Variants in TMEM237 observed in about 807,000 individuals in gnomAD.
TMEM237 encodes amyotrophic lateral sclerosis 2 (juvenile) chromosome region, candidate 4.
A neutral mutation model predicts 59.1 loss-of-function variants in TMEM237; 51 were observed. The ratio of observed to expected loss-of-function variants is 0.86; its 90% CI spans 0.69 to 1.09. TMEM237 has a LOEUF of 1.09. TMEM237 is among the 50% of genes least tolerant of loss of function. The pLI is 0.00. For synonymous variants in TMEM237, 140 were observed against 166.1 expected (o/e 0.84, Z 1.21); for missense variants, 475 against 478.3 (o/e 0.99, Z 0.06).
chr2:201,640,272 C>T lies in TMEM237; in HGVS notation c.75-7G>A, dbSNP rs1443411958. 1.4e-5 allele frequency: 21 copies of T among 1,549,658 alleles called. No homozygotes were observed. Among genetic ancestry groups the T allele is most frequent in the South Asian group, 2.5e-5 (2 of 80,538 alleles). On this transcript the variant is annotated splice_polypyrimidine_tract_variant and splice_region_variant and intron_variant, in intron 2 of 12. Coordinates refer to ENST00000409883, the MANE Select transcript of TMEM237 (RefSeq NM_001044385.3). ...TTAAACTAACTCACCTTGACTAACACGTCATATAACACCAAACAAATTTAA... is the reference window on the plus strand; with the variant it reads ...TTAAACTAACTCACCTTGACTAACATGTCATATAACACCAAACAAATTTAA...
At position 201,627,323 on chromosome 2, in the gene TMEM237, G is replaced by C. The variant is rs752399438; in HGVS notation, c.1035C>G (p.Leu345=). 1 of 1,601,938 alleles carries C rather than the reference G, an allele frequency of 6.2e-7. No individual in the cohort carries two copies. The highest frequency in any genetic ancestry group is 8.5e-7 in the Non-Finnish European group (1 of 1,172,874). ...LYTPSSVNGS[L]WEAGIEEQIL... ...CTAATGTCATTGTGAATTCTTACCA[G>C]AGGCTACCATTAACAGAAGAAGGTG... Residue 345 remains leucine (L), a splice_region_variant and synonymous_variant, in exon 11 of 13, where the codon CTC becomes CTG. Coordinates refer to ENST00000409883, the MANE Select transcript of TMEM237 (RefSeq NM_001044385.3).
chr2:201,628,385 T>A (rs1957778251), intron 9 of TMEM237, among the ~76,000 whole-genome samples: 1 of 152,184 alleles, frequency 6.6e-6, no homozygotes, highest in Admixed American at 6.5e-5. Flanking sequence ...TAAAACATCC[T>A]AAAGAAAATT....
Position 201,623,254 on chromosome 2 carries a change from C to T in TMEM237, c.*1001G>A. On this transcript the variant is annotated 3_prime_UTR_variant, in exon 13 of 13. Coordinates refer to ENST00000409883, the MANE Select transcript of TMEM237 (RefSeq NM_001044385.3). ...TTGATGTGCTCAACAGCCTTTGAAA[C>T]ATTTTTTCCCATAGCTAGTCTTCTC... 2.3e-6 allele frequency: 1 copy of T among 429,300 alleles called. No individual in the cohort carries two copies. Among genetic ancestry groups the T allele is most frequent in the East Asian group, 7.0e-5 (1 of 14,236 alleles). 26.6% of individuals were successfully genotyped at this position (429,300 alleles called of 1,614,324 possible). A position where few individuals can be genotyped will look rare whatever the true frequency, so the allele number is the denominator to read the frequency against.
intron 7 of TMEM237, 101 bp from the exon 8 acceptor site, chr2:201,629,953 G>A: frequency 1.4e-6 from 2 of 1,434,258 alleles, no homozygotes; most frequent in Non-Finnish European, 1.9e-6. Context: ...AACTAAGACT[G>A]AAATATTGCT....
Position 201,639,081 on chromosome 2 carries a change from G to A in TMEM237, c.80-36C>T, listed in dbSNP as rs748112167. On this transcript the variant is annotated intron_variant, in intron 3 of 12. Transcript: ENST00000409883. ...AGAAAAAACGTCAACAGAAAAGGGT[G>A]CCTAAAATTCAATGCAGAGAACAGT... 2.6e-6 allele frequency: 4 copies of A among 1,540,784 alleles called. No individual in the cohort carries two copies. In the African/African-American group the frequency reaches 4.1e-5, roughly 16 times the overall value.
chr2:201,625,776 C>T (rs187881369), intron 12 of TMEM237, among the ~76,000 whole-genome samples: 5 of 152,082 alleles, frequency 3.3e-5, no homozygotes, highest in Admixed American at 2.0e-4. Context: ...AGAAGAAATA[C>T]CTCCTGAAAA....
intron 7 of TMEM237, chr2:201,631,235 G>C (rs935389800): frequency 1.3e-5 from 2 of 152,120 alleles, no homozygotes; most frequent in East Asian, 3.9e-4. Flanking sequence ...GCCACATGAC[G>C]ACACAGTGGC....
Position 201,626,113 on chromosome 2 carries a change from A to G in TMEM237, c.1072T>C (p.Trp358Arg). Residue 358 changes from tryptophan to arginine, a missense_variant, in exon 12 of 13, where the codon TGG becomes CGG. By Grantham distance (101) the Trp-to-Arg change is moderately radical (BLOSUM62 -3). Coordinates refer to ENST00000409883, the MANE Select transcript of TMEM237 (RefSeq NM_001044385.3). ...GCCACCACGAGATTCACCACAATCC[A>G]TGGCTGGAGAATCTGTTCCTCAATT... ...AGIEEQILQP[W>R]IVVNLVVALL... is the part of the protein sequence containing the mutation. 1 of 1,611,018 alleles carries G rather than the reference A, an allele frequency of 6.2e-7. No homozygotes were observed. Among genetic ancestry groups the G allele is most frequent in the Non-Finnish European group, 8.5e-7 (1 of 1,178,508 alleles).
At chr2:201,642,394 GAGA>G (rs961211562) in intron 1 of TMEM237, among the ~76,000 whole-genome samples, 2 of 152,170 alleles carry the variant, frequency 1.3e-5, no homozygotes, top group South Asian at 2.1e-4. Context: ...ATTACAATTG[GAGA>G]AGAATGACAG....
chr2:201,632,617 C>T (rs984797727), intron 6 of TMEM237, among the ~76,000 whole-genome samples: 1 of 152,230 alleles, frequency 6.6e-6, no homozygotes, highest in African/African-American at 2.4e-5. Context: ...CTTCACTCAG[C>T]TCTAATTCTT....
chr2:201,641,062 G>T, intron 1 of TMEM237, 138 bp from the exon 2 acceptor site: 2 of 608,052 alleles, frequency 3.3e-6, no homozygotes, highest in Non-Finnish European at 5.4e-6. Flanking sequence ...CACGATCTTG[G>T]CTCACTGCAG....
At position 201,643,053 on chromosome 2, in the gene TMEM237, GC is replaced by G; in HGVS notation, c.42+305del. ...GAGTCTAGGAGAGGCCTGGCTGGAA[GC>G]CCCGGCACCCGCCGGGCCCCGGGCC... On this transcript the variant is annotated intron_variant, in intron 1 of 12. Coordinates refer to ENST00000409883, the MANE Select transcript of TMEM237 (RefSeq NM_001044385.3). The surrounding 1 kb of genome is among the most constrained non-coding windows in gnomAD (Gnocchi z 4.3). The G allele has an allele frequency of 8.1e-7, 1 of 1,230,424 alleles. No homozygotes were observed. Among genetic ancestry groups the G allele is most frequent in the Non-Finnish European group, 1.0e-6 (1 of 955,892 alleles). The allele number at this position is 1,230,424 out of a possible 1,614,324, so 76.2% of individuals were successfully genotyped here. A position where few individuals can be genotyped will look rare whatever the true frequency, so the allele number is the denominator to read the frequency against.
chr2:201,633,953 G>C (rs1483897695), intron 5 of TMEM237, among the ~76,000 whole-genome samples: 1 of 152,204 alleles, frequency 6.6e-6, no homozygotes, highest in Non-Finnish European at 1.5e-5. Flanking sequence ...ATCAGAGACA[G>C]TGCCCAAGGT....
intron 10 of TMEM237, 60 bp downstream of exon 10, chr2:201,628,016 G>T: frequency 8.0e-7 from 1 of 1,247,966 alleles, no homozygotes; most frequent in Non-Finnish European, 1.1e-6. Context: ...ATTTATCCTG[G>T]TTCAAAATTA....
chr2:201,642,537 A>G (rs1482404444), intron 1 of TMEM237: 2 of 1,557,368 alleles, frequency 1.3e-6, no homozygotes, highest in Non-Finnish European at 1.7e-6. Flanking sequence ...CCCAACCTCT[A>G]ATCCTCAAAA....
chr2:201,625,435 A>G (rs1957750458), intron 12 of TMEM237, among the ~76,000 whole-genome samples: 1 of 152,192 alleles, frequency 6.6e-6, no homozygotes, highest in Admixed American at 6.5e-5. Flanking sequence ...AACACAATTT[A>G]CAATACAAAT....
Position 201,643,405 on chromosome 2 carries a change from C to T in TMEM237, c.-5G>A, listed in dbSNP as rs1409625714. On this transcript the variant is annotated 5_prime_UTR_variant, in exon 1 of 13. Coordinates refer to ENST00000409883, the MANE Select transcript of TMEM237 (RefSeq NM_001044385.3). This position sits in a 1 kb window ranked among gnomAD's most constrained non-coding sequence, Gnocchi z 4.3. Reference sequence around the variant, plus strand: ...AGCCCCCGAGTCAGTCCTCATGGTGCTCTCCCCGCGGGGCTGCCCCGGCGC... The same window carrying T: ...AGCCCCCGAGTCAGTCCTCATGGTGTTCTCCCCGCGGGGCTGCCCCGGCGC... 5.9e-6 allele frequency: 9 copies of T among 1,526,090 alleles called. No individual in the cohort carries two copies. The highest frequency in any genetic ancestry group is 2.4e-5 in the South Asian group (2 of 81,936). The allele number at this position is 1,526,090 out of a possible 1,614,324, so 94.5% of individuals were successfully genotyped here. A position where few individuals can be genotyped will look rare whatever the true frequency, so the allele number is the denominator to read the frequency against.
intron 1 of TMEM237, chr2:201,642,685 C>T (rs766170063): frequency 1.2e-6 from 2 of 1,600,186 alleles, no homozygotes; most frequent in Non-Finnish European, 1.7e-6. Flanking sequence ...CCCCACCCCT[C>T]CCGGCTCGGT....
intron 11 of TMEM237, 99 bp from the exon 12 acceptor site, chr2:201,626,246 C>T: frequency 7.8e-7 from 1 of 1,280,448 alleles, no homozygotes; most frequent in Non-Finnish European, 1.1e-6. Flanking sequence ...GCAGTCCTCT[C>T]CTAGAGAAAT....
Sources: allele counts gnomAD v4.1 joint callset (sites outside exome capture counted in the v4.1 genomes callset), GRCh38; gene constraint gnomAD v4.1.1; non-coding constraint Gnocchi (gnomAD v3.1); transcripts MANE v1.5; gene names NCBI Gene and HGNC (gene_info 2026-07-23, HGNC 2026-07-21).